IL16: variants seen among roughly 807,000 people sequenced by gnomAD.
IL16 encodes interleukin 16, also known as pro-interleukin-16.
Under a neutral mutation model 110.1 loss-of-function variants are expected in IL16, and 67 were observed. The observed-to-expected ratio is 0.61, with a 90% CI of 0.50 to 0.75. The LOEUF (loss-of-function observed/expected upper bound fraction) is 0.75, where lower values mean the gene tolerates loss of function less well. Among genes scored for constraint, IL16 ranks in the 30% least tolerant of loss-of-function variants. The pLI, the probability that IL16 is intolerant of heterozygous loss-of-function variation, is 0.00. For synonymous variants in IL16, 689 were observed against 662.9 expected, an observed-to-expected ratio of 1.04 and a Z score of -0.61; for missense variants, 1,545 against 1,655.0, an observed-to-expected ratio of 0.93 and a Z score of 1.15.
chr15:81,308,905 A>C lies in IL16; in HGVS notation c.*107A>C. The C allele has an allele frequency of 1.0e-6, 1 of 999,776 alleles. No homozygotes were observed. Among genetic ancestry groups the C allele is most frequent in the Non-Finnish European group, 1.5e-6 (1 of 687,340 alleles). The allele number at this position is 999,776 out of a possible 1,614,324, so 61.9% of individuals were successfully genotyped here. A position where few individuals can be genotyped will look rare whatever the true frequency, so the allele number is the denominator to read the frequency against. ...CCGCCCCACCCAGATGGGGGAAAGC[A>C]CAGGTGGGCTTCCCAGTGGCTGCTG... On this transcript the variant is annotated 3_prime_UTR_variant, in exon 19 of 19. Coordinates refer to ENST00000683961, the MANE Select transcript of IL16 (RefSeq NM_172217.5).
chr15:81,269,482 C>A, intron 4 of IL16, 56 bp from the exon 5 acceptor site: 1 of 1,152,714 alleles, frequency 8.7e-7, no homozygotes, highest in Non-Finnish European at 1.3e-6. Context: ...CCTTGTGAGG[C>A]ATGTGCTGCT....
chr15:81,289,587 A>G (rs571179738), intron 10 of IL16, among the ~76,000 whole-genome samples: 2 of 152,326 alleles, frequency 1.3e-5, no homozygotes, highest in African/African-American at 4.8e-5. Flanking sequence ...CTTTGAAGAA[A>G]TGTCTATTCA....
In IL16 at chr15:81,225,589, GCA is replaced by G; in HGVS notation, c.191_192del (p.Ala64GlyfsTer12). 6.2e-7 allele frequency: 1 copy of G among 1,614,094 alleles called. No homozygotes were observed. Among genetic ancestry groups the G allele is most frequent in the Non-Finnish European group, 8.5e-7 (1 of 1,180,014 alleles). On this transcript the variant is annotated frameshift_variant, in exon 2 of 19. Transcript: ENST00000683961. LOFTEE classifies it high-confidence loss of function. Reference sequence around the variant, plus strand: ...AATTTTCCACTCATCTGTGCAGCTGGCAGACACATCGGAGGCTGGGCCCAGCA... The same window carrying G: ...AATTTTCCACTCATCTGTGCAGCTGGGACACATCGGAGGCTGGGCCCAGCA... ...EGIFHSSVQL[A>X]DTSEAGPSSV...
At chr15:81,188,750 G>GC (rs1188601918) in intron 1 of IL16, among the ~76,000 whole-genome samples, 1 of 151,982 alleles carries the variant, frequency 6.6e-6, no homozygotes, top group Non-Finnish European at 1.5e-5. Context: ...CTTCCTCCCG[G>GC]CCTTTTTTTC....
chr15:81,216,647 AGC>A (rs2142008109), intron 1 of IL16, among the ~76,000 whole-genome samples: 1 of 69,946 alleles, frequency 1.4e-5, no homozygotes, highest in East Asian at 9.2e-4. Flanking sequence ...TGTCTGTCTT[AGC>A]AGCAGCAGCA....
Position 81,273,135 on chromosome 15 carries a change from C to A in IL16, c.721C>A (p.Pro241Thr). ...IVGGKDSIYG[P>T]IGIYVKTIFA... is the part of the protein sequence containing the mutation. Reference sequence around the variant, plus strand: ...TGGGGGAAAAGACAGCATTTATGGCCCCATTGGGATTTACGTCAAAACCAT... The same window carrying A: ...TGGGGGAAAAGACAGCATTTATGGCACCATTGGGATTTACGTCAAAACCAT... Residue 241 changes from proline to threonine, a missense_variant, in exon 6 of 19, where the codon CCC becomes ACC. Pro to Thr is a conservative substitution (Grantham distance 38). Transcript: ENST00000683961. The A allele has an allele frequency of 6.2e-7, 1 of 1,613,760 alleles. No homozygotes were observed.
At chr15:81,237,069 C>T (rs11072996) in intron 2 of IL16, among the ~76,000 whole-genome samples, 144,092 of 152,302 alleles carry the variant, frequency 0.95, 68,237 homozygotes, top group African/African-American at 0.98. Flanking sequence ...TTCTCCCTGT[C>T]CTTCACATAT....
At chr15:81,277,681 C>T (rs780347014) in intron 6 of IL16, among the ~76,000 whole-genome samples, 11 of 152,084 alleles carry the variant, frequency 7.2e-5, no homozygotes, top group East Asian at 3.9e-4. Flanking sequence ...CCTCACAAAG[C>T]GCTGGGATTA....
At chr15:81,240,142 G>A (rs937944460) in intron 2 of IL16, among the ~76,000 whole-genome samples, 1 of 152,066 alleles carries the variant, frequency 6.6e-6, no homozygotes, top group Admixed American at 6.6e-5. Flanking sequence ...TCAATATTAT[G>A]TTCCAGGAAT....
intron 1 of IL16, among the ~76,000 whole-genome samples, chr15:81,216,720 G>A (rs1896447801): frequency 6.6e-6 from 1 of 152,160 alleles, no homozygotes; most frequent in African/African-American, 2.4e-5. Context: ...GAGCATTCAT[G>A]AGGACCTCCT....
chr15:81,195,979 C>T (rs574482064), upstream of IL16, among the ~76,000 whole-genome samples: 87 of 151,690 alleles, frequency 5.7e-4, no homozygotes, highest in Middle Eastern at 6.8e-3. Context: ...GCTCTGTATA[C>T]GTTAGGTCAT....
At chr15:81,182,811 G>C (rs780684978) in exon 1 of IL16, 52 of 1,256,454 alleles carry the variant, frequency 4.1e-5, no homozygotes, top group Non-Finnish European at 5.1e-5. Context: ...ATCCTGGTTT[G>C]GAGGAACTTT....
intron 11 of IL16, chr15:81,291,799 AC>A (rs1432009427): frequency 2.4e-5 from 10 of 413,638 alleles, no homozygotes; most frequent in Non-Finnish European, 5.0e-5. Flanking sequence ...CTCACCCTCA[AC>A]TGGAAAGAAA....
At position 81,292,939 on chromosome 15, in the gene IL16, A is replaced by G; in HGVS notation, c.1804A>G (p.Arg602Gly). 6.2e-7 allele frequency: 1 copy of G among 1,614,236 alleles called. No homozygotes were observed. Among genetic ancestry groups the G allele is most frequent in the South Asian group, 1.1e-5 (1 of 91,088 alleles). ...GTCCTCCAAGCCCAAGCCTCCACCC[A>G]GAAAATACTTTAAAAGTGACAGTGA... ...PMSSKPKPPPRKYFKSDSDPQ... is the reference protein window; with the variant it reads ...PMSSKPKPPPGKYFKSDSDPQ... The change falls in exon 12 of 19, where the codon AGA becomes GGA. Residue 602 changes from arginine (R) to glycine (G), a missense_variant. By Grantham distance (125) the Arg-to-Gly change is moderately radical (BLOSUM62 -2). Coordinates refer to ENST00000683961, the MANE Select transcript of IL16 (RefSeq NM_172217.5).
rs746623349 is a variant in IL16 at position 81,300,047 on chromosome 15, G to C, written c.2721G>C (p.Gly907=). 5 of 1,566,104 alleles carry C rather than the reference G, an allele frequency of 3.2e-6. No individual in the cohort carries two copies. In the East Asian group the frequency reaches 1.1e-4, roughly 35 times the overall value. Residue 907 remains glycine, a synonymous_variant, in exon 14 of 19, where the codon GGG becomes GGC. Transcript: ENST00000683961. ...PQQPEQVLSS[G]SPAASEARDP... ...AGCCTGAGCAAGTACTGTCCTCGGG[G>C]TCCCCTGCAGCCTCCGAGGCCAGAG...
intron 6 of IL16, among the ~76,000 whole-genome samples, chr15:81,276,521 A>G (rs1898917324): frequency 6.6e-6 from 1 of 152,202 alleles, no homozygotes; most frequent in South Asian, 2.1e-4. Flanking sequence ...CTTGATAATG[A>G]AAGAGTTTCC....
Position 81,303,698 on chromosome 15 carries a change from TGGGGGA to T in IL16, c.3420+55_3420+60del. On this transcript the variant is annotated intron_variant, in intron 16 of 18. Transcript: ENST00000683961. The surrounding 1 kb of genome is among the most constrained non-coding windows in gnomAD (Gnocchi z 4.1). ...ATGTCACAGCCAGAGGCAATGGTTC[TGGGGGA>T]GGGGGACACACTTGCCAGGAAGGGG... The T allele has an allele frequency of 7.9e-7, 1 of 1,272,942 alleles. No homozygotes were observed. Among genetic ancestry groups the T allele is most frequent in the South Asian group, 1.2e-5 (1 of 83,778 alleles). 78.9% of individuals were successfully genotyped at this position (1,272,942 alleles called of 1,614,324 possible).
intron 2 of IL16, among the ~76,000 whole-genome samples, chr15:81,248,717 T>C (rs75835643): frequency 1.6e-5 from 2 of 124,232 alleles, no homozygotes; most frequent in Non-Finnish European, 1.6e-5. Flanking sequence ...TTTTCTTTCT[T>C]TCTTTTTTTT....
At position 81,247,075 on chromosome 15, in the gene IL16, CCT is replaced by C. The variant is rs1567016892; in HGVS notation, c.313-12696_313-12695del. 4.6e-4 allele frequency among the ~76,000 whole-genome samples: 50 copies of C among 109,424 alleles called. 1 individual carries two copies. Among genetic ancestry groups the C allele is most frequent in the African/African-American group, 1.5e-3 (46 of 30,086 alleles). The allele number at this position is 109,424 out of a possible 152,430, so 71.8% of individuals were successfully genotyped here. ...ATTTGTGTTTTCTTTCTTTTCTTTT[CCT>C]TTTTTTTTTTTTTTTTTTTGATCTT... On this transcript the variant is annotated intron_variant, in intron 2 of 18. Transcript: ENST00000683961.
Sources: allele counts gnomAD v4.1 joint callset (sites outside exome capture counted in the v4.1 genomes callset), GRCh38; gene constraint gnomAD v4.1.1; non-coding constraint Gnocchi (gnomAD v3.1); transcripts MANE v1.5; gene names NCBI Gene and HGNC (gene_info 2026-07-23, HGNC 2026-07-21).